Variants in SACS observed in about 807,000 individuals in gnomAD.
The protein encoded by SACS is sacsin.
A neutral mutation model predicts 348.0 loss-of-function variants in SACS; 197 were observed. The observed-to-expected ratio is 0.57, with a 90% CI of 0.50 to 0.64. SACS has a LOEUF of 0.64. Among genes scored for constraint, SACS ranks in the 30% least tolerant of loss-of-function variants. The pLI is 0.00. For missense variants in SACS, 4,999 were observed against 5,360.8 expected (o/e 0.93, Z 2.11); for synonymous variants, 1,985 against 1,910.6 (o/e 1.04, Z -1.02).
chr13:23,389,625 C>T (rs544463215), intron 2 of SACS, among the ~76,000 whole-genome samples: 5 of 152,158 alleles, frequency 3.3e-5, no homozygotes, highest in Admixed American at 6.5e-5. Flanking sequence ...AAAGTCTGAG[C>T]TAAGCTTTCT....
Position 23,330,092 on chromosome 13 carries a change from G to A in SACS, c.*44C>T, listed in dbSNP as rs780277651. The A allele has an allele frequency of 1.9e-6, 3 of 1,543,578 alleles. No homozygotes were observed. In the East Asian group the frequency reaches 6.8e-5, roughly 35 times the overall value. ...TAATGAAGTACAGCAATTTATTCGT[G>A]CTACAACACATTCAAGATCTACCTT... is the stretch of plus-strand genomic sequence containing the variant. On this transcript the variant is annotated 3_prime_UTR_variant, in exon 10 of 10. Coordinates refer to ENST00000382292, the MANE Select transcript of SACS (RefSeq NM_014363.6).
In SACS at chr13:23,331,779, TTTC is replaced by T; in HGVS notation, c.12094_12096del (p.Glu4032del). On this transcript the variant is annotated inframe_deletion, in exon 10 of 10. Coordinates refer to ENST00000382292, the MANE Select transcript of SACS (RefSeq NM_014363.6). ...AGGGCTTTGCAAAGTCTTATGGCTT[TTTC>T]TTCATTGGCCAGAAAAGCATTATCA... 1 of 1,613,982 alleles carries T rather than the reference TTTC, an allele frequency of 6.2e-7. No individual in the cohort carries two copies. Among genetic ancestry groups the T allele is most frequent in the Non-Finnish European group, 8.5e-7 (1 of 1,179,948 alleles).
rs1311875583 is a variant in SACS, at chr13:23,339,743, G to A, written c.4133C>T (p.Pro1378Leu). ...SNQIPASPNT[P>L]VPIHHSKNPS... is the part of the protein sequence containing the mutation. ...ATTTTTGCTATGATGTATAGGAACT[G>A]GTGTGTTGGGGCTTGCTGGAATCTG... The change falls in exon 10 of 10, where the codon CCA becomes CTA. Residue 1378 changes from proline to leucine, a missense_variant. Transcript: ENST00000382292. 3.1e-6 allele frequency: 5 copies of A among 1,614,110 alleles called. No homozygotes were observed. The highest frequency in any genetic ancestry group is 4.2e-6 in the Non-Finnish European group (5 of 1,179,988).
Position 23,339,624 on chromosome 13 carries a change from G to A in SACS, c.4252C>T (p.Pro1418Ser). 3 of 1,611,668 alleles carry A rather than the reference G, an allele frequency of 1.9e-6. No individual in the cohort carries two copies. Among genetic ancestry groups the A allele is most frequent in the Non-Finnish European group, 2.5e-6 (3 of 1,178,240 alleles). The change falls in exon 10 of 10, where the codon CCA becomes TCA. Residue 1418 changes from proline (P) to serine (S), a missense_variant. Physicochemically the swap from Pro to Ser is moderately conservative, Grantham distance 74 (BLOSUM62 -1). This residue lies in a region of SACS where 3,156 missense variants were observed against 3,380.1 expected (regional missense o/e 0.93). Coordinates refer to ENST00000382292, the MANE Select transcript of SACS (RefSeq NM_014363.6). ...ATGTCCTCATGCACCAAAATGATTG[G>A]TTCCACAGAATCTTCAAGTAAGTCA... is the stretch of plus-strand genomic sequence containing the variant. ...LNDLLEDSVE[P>S]IILVHEDIPM...
At position 23,358,399 on chromosome 13, in the gene SACS, T is replaced by C. The variant is rs999767217; in HGVS notation, c.540A>G (p.Lys180=). The C allele has an allele frequency of 3.1e-6, 5 of 1,614,206 alleles. No individual in the cohort carries two copies. Among genetic ancestry groups the C allele is most frequent in the Non-Finnish European group, 4.2e-6 (5 of 1,180,018 alleles). The change falls in exon 7 of 10, where the codon AAA becomes AAG. Residue 180 remains lysine (K), a synonymous_variant. Transcript: ENST00000382292. Reference sequence around the variant, plus strand: ...TTCCGACCTTCAGAGGATCATCCTTTTTCCTGCTTCTTGCTATTTCTTGAA... The same window carrying C: ...TTCCGACCTTCAGAGGATCATCCTTCTTCCTGCTTCTTGCTATTTCTTGAA... ...HGIQEIARSR[K]KDDPLKVGRF...
In SACS at chr13:23,337,992, C is replaced by T. The variant is rs757708333; in HGVS notation, c.5884G>A (p.Gly1962Arg). The T allele has an allele frequency of 1.2e-6, 2 of 1,613,894 alleles. No individual in the cohort carries two copies. The highest frequency in any genetic ancestry group is 2.2e-5 in the South Asian group (2 of 91,066). Residue 1962 changes from glycine to arginine, a missense_variant, in exon 10 of 10, where the codon GGA becomes AGA. By Grantham distance (125) the Gly-to-Arg change is moderately radical. This residue lies in a region of SACS where 3,156 missense variants were observed against 3,380.1 expected (regional missense o/e 0.93). Transcript: ENST00000382292. ...VHDDFSVICQ[G>R]FYEDIAHGKG... is the part of the protein sequence containing the mutation. ...CCATGAGCTATATCTTCATAAAATCCTTGGCAAATTACAGAAAAATCATCA... is the reference window on the plus strand; with the variant it reads ...CCATGAGCTATATCTTCATAAAATCTTTGGCAAATTACAGAAAAATCATCA...
rs187622294 is a variant in SACS, at chr13:23,367,718, T to C, written c.345+684A>G. Reference sequence around the variant, plus strand: ...AAGCGATTCTCCTGCCTCAGCCTCCTGAGTAGCTAGGATTACAGGCAGCCA... The same window carrying C: ...AAGCGATTCTCCTGCCTCAGCCTCCCGAGTAGCTAGGATTACAGGCAGCCA... On this transcript the variant is annotated intron_variant, in intron 5 of 9. Coordinates refer to ENST00000382292, the MANE Select transcript of SACS (RefSeq NM_014363.6). 5.1e-3 allele frequency among the ~76,000 whole-genome samples: 780 copies of C among 152,178 alleles called. 3 individuals carry two copies. Among genetic ancestry groups the C allele is most frequent in the Middle Eastern group, 0.014 (4 of 292 alleles).
chr13:23,406,246 G>A (rs1458885905), intron 2 of SACS, among the ~76,000 whole-genome samples: 2 of 152,064 alleles, frequency 1.3e-5, no homozygotes, highest in African/African-American at 2.4e-5. Context: ...GGATGAAGCT[G>A]GAAACCATCA....
intron 9 of SACS, among the ~76,000 whole-genome samples, chr13:23,343,244 T>C (rs1163711504): frequency 6.6e-6 from 1 of 152,322 alleles, no homozygotes; most frequent in East Asian, 1.9e-4. Context: ...GAGTATAACA[T>C]TTATAATATC....
chr13:23,416,244 T>C (rs1873685122), intron 1 of SACS, among the ~76,000 whole-genome samples: 1 of 146,066 alleles, frequency 6.8e-6, no homozygotes, highest in East Asian at 2.0e-4. Flanking sequence ...ATCACGCCAC[T>C]GCACTCCAGC....
intron 2 of SACS, among the ~76,000 whole-genome samples, chr13:23,394,565 T>C (rs1872641987): frequency 6.6e-6 from 1 of 152,142 alleles, no homozygotes; most frequent in Non-Finnish European, 1.5e-5. Flanking sequence ...ATCAGATTCA[T>C]CATTAGGGCT....
rs141518602 is a variant in SACS, at chr13:23,401,231, A to G, written c.20+9989T>C. Among the ~76,000 whole-genome samples, 1,285 of 152,314 alleles carry G rather than the reference A, an allele frequency of 8.4e-3. 16 individuals carry two copies. The highest frequency in any genetic ancestry group is 0.03 in the African/African-American group (1,247 of 41,558). ...GGAAAACTCAAGCTGGGAACTGCTT[A>G]GGGCCAACCTGCCTCCCATTCTATT... On this transcript the variant is annotated intron_variant, in intron 2 of 9. Transcript: ENST00000382292.
At position 23,334,345 on chromosome 13, in the gene SACS, A is replaced by G. The variant is rs746902834; in HGVS notation, c.9531T>C (p.Tyr3177=). The part of the protein sequence containing the change: ...DAKRPKFLTT[Y]HELIPSRKDL... Reference sequence around the variant, plus strand: ...CTTTGCGGGATGGAATCAATTCATGATATGTTGTTAGAAACTTGGGTCGTT... The same window carrying G: ...CTTTGCGGGATGGAATCAATTCATGGTATGTTGTTAGAAACTTGGGTCGTT... The change falls in exon 10 of 10, where the codon TAT becomes TAC. Residue 3177 remains tyrosine (Y), a synonymous_variant. Coordinates refer to ENST00000382292, the MANE Select transcript of SACS (RefSeq NM_014363.6). The G allele has an allele frequency of 5.0e-6, 8 of 1,612,310 alleles. No homozygotes were observed. The Admixed American group carries it at 1.0e-4, about 20-fold the overall frequency.
At chr13:23,346,936 G>A (rs1018222626) in intron 9 of SACS, 6 of 313,258 alleles carry the variant, frequency 1.9e-5, no homozygotes, top group South Asian at 1.2e-4. Flanking sequence ...ACTGCTGTCT[G>A]TAGAATCTTT....
chr13:23,425,020 G>C (rs1566114249), intron 1 of SACS, among the ~76,000 whole-genome samples: 1 of 152,136 alleles, frequency 6.6e-6, no homozygotes, highest in Non-Finnish European at 1.5e-5. Flanking sequence ...TGTATCCATC[G>C]GGGGCCTGGG....
In SACS at chr13:23,410,002, T is replaced by C. The variant is rs114181196; in HGVS notation, c.20+1218A>G. Among the ~76,000 whole-genome samples the C allele has an allele frequency of 1.2e-3, 178 of 152,204 alleles. 1 individual carries two copies. The highest frequency in any genetic ancestry group is 0.01 in the Middle Eastern group (3 of 294). On this transcript the variant is annotated intron_variant, in intron 2 of 9. Transcript: ENST00000382292. ...ATGGATGTATAGACGAAATTACCAA[T>C]ACAAAGAAGTCAGCTGGAAAGTTAA...
At chr13:23,392,652 T>C (rs1872571209) in intron 2 of SACS, among the ~76,000 whole-genome samples, 1 of 152,240 alleles carries the variant, frequency 6.6e-6, no homozygotes, top group Non-Finnish European at 1.5e-5. Flanking sequence ...GCCACACGAC[T>C]AGCAAATGGC....
chr13:23,330,730 G>A lies in SACS; in HGVS notation c.13146C>T (p.Thr4382=). Reference sequence around the variant, plus strand: ...TGTCTGACTGAAATCGGGATGCTGAGGTTGAAAATGTTCGTCTGGAGGCCC... The same window carrying A: ...TGTCTGACTGAAATCGGGATGCTGAAGTTGAAAATGTTCGTCTGGAGGCCC... ...ADRASRRTFS[T]SASRFQSDKY... Residue 4382 remains threonine, a synonymous_variant, in exon 10 of 10, where the codon ACC becomes ACT. Coordinates refer to ENST00000382292, the MANE Select transcript of SACS (RefSeq NM_014363.6). 5 of 1,614,020 alleles carry A rather than the reference G, an allele frequency of 3.1e-6. No homozygotes were observed. Among genetic ancestry groups the A allele is most frequent in the Non-Finnish European group, 4.2e-6 (5 of 1,179,938 alleles).
intron 9 of SACS, chr13:23,346,932 G>C (rs986278212): frequency 6.0e-6 from 2 of 331,050 alleles, no homozygotes; most frequent in African/African-American, 4.5e-5. Flanking sequence ...AGATACTGCT[G>C]TCTGTAGAAT....
Sources: allele counts gnomAD v4.1 joint callset (sites outside exome capture counted in the v4.1 genomes callset), GRCh38; gene constraint gnomAD v4.1.1; regional missense constraint gnomAD v4.1.1; transcripts MANE v1.5; gene names NCBI Gene and HGNC (gene_info 2026-07-23, HGNC 2026-07-21).